Variants in DYM observed in about 807,000 individuals in gnomAD.
The protein encoded by DYM is dymeclin.
A neutral mutation model predicts 93.1 loss-of-function variants in DYM; 78 were observed. The observed-to-expected ratio is 0.84, with a 90% confidence interval of 0.70 to 1.01. The LOEUF is 1.01. DYM is among the 50% of genes least tolerant of loss of function. The pLI is 0.00. For synonymous variants in DYM, 321 were observed against 319.7 expected (o/e 1.00, Z -0.04); for missense variants, 789 against 845.0 (o/e 0.93, Z 0.82).
In DYM at chr18:49,343,175, T is replaced by A. The variant is rs369205305; in HGVS notation, c.495-9322A>T. On this transcript the variant is annotated intron_variant, in intron 6 of 17. Coordinates refer to ENST00000675505, the MANE Select transcript of DYM (RefSeq NM_001353214.3). ...AATATTCAGACAAGGATAATCACCA[T>A]CCCACAGCTGCCCACCCCACTAAGA... is the stretch of plus-strand genomic sequence containing the variant. Among the ~76,000 whole-genome samples the A allele has an allele frequency of 1.6e-4, 24 of 152,246 alleles. No individual in the cohort carries two copies. The South Asian group carries it at 5.0e-3, about 32-fold the overall frequency.
At chr18:49,361,654 G>A (rs887406863) in intron 6 of DYM, among the ~76,000 whole-genome samples, 3 of 152,176 alleles carry the variant, frequency 2.0e-5, no homozygotes, top group Admixed American at 2.0e-4. Flanking sequence ...CATTAAGTGG[G>A]AGAGGCAATT....
In DYM at chr18:49,430,285, A is replaced by G. The variant is rs2074686619; in HGVS notation, c.110T>C (p.Leu37Pro). Residue 37 changes from leucine (L) to proline (P), a missense_variant, in exon 2 of 18, where the codon CTC becomes CCC. This residue lies in a region of DYM where 450 missense variants were observed against 436.2 expected (regional missense o/e 1.03). Coordinates refer to ENST00000675505, the MANE Select transcript of DYM (RefSeq NM_001353214.3). ...SENDPFWNQL[L>P]SFSFPAPTSS... ...AGTTGGTGCAGGGAAAGAAAATGAGAGAAGCTGATTCCAGAACGGGTCATT... is the reference window on the plus strand; with the variant it reads ...AGTTGGTGCAGGGAAAGAAAATGAGGGAAGCTGATTCCAGAACGGGTCATT... The G allele has an allele frequency of 6.2e-7, 1 of 1,613,922 alleles. No individual in the cohort carries two copies. The highest frequency in any genetic ancestry group is 8.5e-7 in the Non-Finnish European group (1 of 1,180,016).
chr18:49,236,099 C>A (rs978542419), intron 13 of DYM, among the ~76,000 whole-genome samples: 6 of 152,090 alleles, frequency 3.9e-5, no homozygotes, highest in Admixed American at 3.3e-4. Context: ...AAATTAAAAC[C>A]TTTTTAAAAA....
At position 49,257,057 on chromosome 18, in the gene DYM, C is replaced by T. The variant is rs756291293; in HGVS notation, c.1413G>A (p.Ser471=). ...ACTGATGGAGAGAACGAAACTGTGC[C>T]GACATATTTGCTAAAGCTGCCAAAC... ...TNCLAALANM[S]AQFRSLHQYA... Residue 471 remains serine (S), a synonymous_variant, in exon 13 of 18, where the codon TCG becomes TCA. Transcript: ENST00000675505. The T allele has an allele frequency of 4.6e-5, 75 of 1,613,930 alleles. No individual in the cohort carries two copies. The highest frequency in any genetic ancestry group is 5.6e-5 in the Non-Finnish European group (66 of 1,179,920).
At chr18:49,138,216 T>G (rs1459348671) in intron 15 of DYM, among the ~76,000 whole-genome samples, 1 of 152,152 alleles carries the variant, frequency 6.6e-6, no homozygotes, top group East Asian at 1.9e-4. Flanking sequence ...ACAAGACAAA[T>G]AAAAGAATGA....
chr18:49,251,422 T>A (rs1381574324), intron 13 of DYM, among the ~76,000 whole-genome samples: 1 of 152,158 alleles, frequency 6.6e-6, no homozygotes. Context: ...GGGAGAAAAG[T>A]TACAGAACTG....
chr18:49,084,259 G>A (rs2078302327), intron 17 of DYM, among the ~76,000 whole-genome samples: 1 of 152,000 alleles, frequency 6.6e-6, no homozygotes, highest in African/African-American at 2.4e-5. Flanking sequence ...CCAAATATTA[G>A]AAGCTTTTCC....
intron 15 of DYM, among the ~76,000 whole-genome samples, chr18:49,125,676 A>G (rs760672734): frequency 6.6e-6 from 1 of 152,248 alleles, no homozygotes; most frequent in Non-Finnish European, 1.5e-5. Flanking sequence ...TCGTAAAATT[A>G]TAAAACACCC....
At chr18:49,179,922 G>C (rs1267208537) in intron 14 of DYM, among the ~76,000 whole-genome samples, 1 of 152,092 alleles carries the variant, frequency 6.6e-6, no homozygotes, top group East Asian at 1.9e-4. Context: ...CTTCTTTAAA[G>C]TTTATACTAA....
chr18:49,102,035 C>T (rs567723099), intron 16 of DYM, among the ~76,000 whole-genome samples: 9 of 152,184 alleles, frequency 5.9e-5, no homozygotes, highest in South Asian at 2.1e-4. Flanking sequence ...TACCTGGTGT[C>T]GGACTGCTTG....
chr18:49,370,059 T>C (rs2066864027), intron 5 of DYM, among the ~76,000 whole-genome samples: 1 of 152,120 alleles, frequency 6.6e-6, no homozygotes, highest in Non-Finnish European at 1.5e-5. Context: ...GGCGGACCAC[T>C]TGAGGTCGGG....
intron 13 of DYM, among the ~76,000 whole-genome samples, chr18:49,242,229 T>C (rs2144731146): frequency 6.6e-6 from 1 of 152,238 alleles, no homozygotes; most frequent in East Asian, 1.9e-4. Flanking sequence ...CTGGCCAACA[T>C]GGCGAAACCC....
At chr18:49,286,017 A>G (rs1034468045) in intron 9 of DYM, among the ~76,000 whole-genome samples, 2 of 152,168 alleles carry the variant, frequency 1.3e-5, no homozygotes, top group Admixed American at 6.5e-5. Flanking sequence ...TACCCTCTAC[A>G]GAAAAAGGTT....
chr18:49,150,525 C>T (rs1251049051), intron 15 of DYM, among the ~76,000 whole-genome samples: 1 of 152,190 alleles, frequency 6.6e-6, no homozygotes, highest in Non-Finnish European at 1.5e-5. Flanking sequence ...GAAGAGGGGC[C>T]TCACCAGAAC....
chr18:49,182,455 G>A (rs777855605), intron 14 of DYM, among the ~76,000 whole-genome samples: 3 of 152,110 alleles, frequency 2.0e-5, no homozygotes, highest in Non-Finnish European at 4.4e-5. Flanking sequence ...TGCTTCAAAT[G>A]TGTATGTTAT....
At chr18:49,163,072 T>C (rs1259066531) in intron 15 of DYM, among the ~76,000 whole-genome samples, 2 of 152,244 alleles carry the variant, frequency 1.3e-5, no homozygotes, top group African/African-American at 4.8e-5. Context: ...ATACTTCCTA[T>C]AAAATCATCC....
At chr18:49,426,001 A>T (rs2074247267) in intron 2 of DYM, among the ~76,000 whole-genome samples, 1 of 152,086 alleles carries the variant, frequency 6.6e-6, no homozygotes, top group Non-Finnish European at 1.5e-5. Flanking sequence ...TTCCTCAGGG[A>T]TCTAGAACTA....
At chr18:49,111,551 C>T (rs961330224) in intron 16 of DYM, among the ~76,000 whole-genome samples, 4 of 152,214 alleles carry the variant, frequency 2.6e-5, no homozygotes, top group Non-Finnish European at 5.9e-5. Flanking sequence ...CTGATTCACT[C>T]AGAAGGTGAG....
chr18:49,323,668 T>C (rs2062673236), intron 8 of DYM, among the ~76,000 whole-genome samples: 1 of 152,224 alleles, frequency 6.6e-6, no homozygotes, highest in South Asian at 2.1e-4. Context: ...GTGAATCTCC[T>C]GGCACCTGGA....
Sources: gnomAD v4.1 joint callset for allele counts (sites outside exome capture counted in the v4.1 genomes callset) on GRCh38, gnomAD v4.1.1 for gene constraint, gnomAD v4.1.1 regional missense constraint, MANE v1.5 for transcripts, NCBI Gene and HGNC (gene_info 2026-07-23, HGNC 2026-07-21) for gene names.